The following NCAM2 variants were observed in gnomAD, a reference collection of about 807,000 sequenced individuals.
NCAM2 encodes N-CAM-2.
In NCAM2, 30 loss-of-function variants were observed where a neutral mutation model predicts 98.1. The ratio of observed to expected loss-of-function variants is 0.31; its 90% CI spans 0.23 to 0.41. NCAM2 has a LOEUF of 0.41. NCAM2 is among the 10% of genes least tolerant of loss of function. The pLI is 1.00. For synonymous variants in NCAM2, 368 were observed against 342.4 expected, an observed-to-expected ratio of 1.07 and a Z score of -0.83; for missense variants, 867 against 1,005.8, an observed-to-expected ratio of 0.86 and a Z score of 1.87.
At chr21:21,264,798 CTA>C (rs1226823296) in intron 1 of NCAM2, among the ~76,000 whole-genome samples, 81 of 125,140 alleles carry the variant, frequency 6.5e-4, no homozygotes, top group African/African-American at 2.3e-3. Context: ...ATATATTCCA[CTA>C]TATATATACA....
At chr21:21,307,526 A>G (rs1415027094) in intron 5 of NCAM2, among the ~76,000 whole-genome samples, 12 of 152,138 alleles carry the variant, frequency 7.9e-5, no homozygotes, top group African/African-American at 1.4e-4. Context: ...TCAGTATATT[A>G]TAAGATCACG....
At chr21:21,455,495 ATTATTCATAGAAATGT>A (rs1982006169) in intron 12 of NCAM2, among the ~76,000 whole-genome samples, 1 of 151,988 alleles carries the variant, frequency 6.6e-6, no homozygotes, top group African/African-American at 2.4e-5. Flanking sequence ...AAGAAAATAA[ATTATTCATAGAAATGT>A]TTATTCATAG....
chr21:21,513,389 G>T (rs1442306575), intron 16 of NCAM2, among the ~76,000 whole-genome samples: 2 of 151,894 alleles, frequency 1.3e-5, no homozygotes, highest in Admixed American at 6.6e-5. Context: ...TTGGTATGTT[G>T]TGTTTCCATT....
intron 1 of NCAM2, among the ~76,000 whole-genome samples, chr21:21,037,331 G>A (rs935066863): frequency 6.6e-6 from 1 of 151,890 alleles, no homozygotes; most frequent in African/African-American, 2.4e-5. Context: ...GAATGATATT[G>A]GTTATAAAAT....
chr21:21,431,056 A>AG (rs2077329625), intron 11 of NCAM2, among the ~76,000 whole-genome samples: 2 of 150,826 alleles, frequency 1.3e-5, no homozygotes, highest in South Asian at 4.2e-4. Context: ...CAAAAAAAAA[A>AG]AAAAAAAAAA....
intron 8 of NCAM2, among the ~76,000 whole-genome samples, chr21:21,357,051 A>G (rs1176708900): frequency 2.0e-5 from 3 of 151,936 alleles, no homozygotes; most frequent in Admixed American, 6.6e-5. Flanking sequence ...GGTCCATGCA[A>G]TTTAAGAGGG....
At chr21:21,006,072 G>T (rs1053671890) in intron 1 of NCAM2, among the ~76,000 whole-genome samples, 1 of 152,190 alleles carries the variant, frequency 6.6e-6, no homozygotes, top group Admixed American at 6.5e-5. Context: ...TTAGGCTGAC[G>T]CTCACATTTA....
At chr21:21,215,744 TAAAC>T (rs36105608) in intron 1 of NCAM2, among the ~76,000 whole-genome samples, 62,988 of 151,374 alleles carry the variant, frequency 0.42, 14,141 homozygotes, top group South Asian at 0.59. Context: ...AATAAATAAA[TAAAC>T]AGAGTAAACG....
intron 16 of NCAM2, among the ~76,000 whole-genome samples, chr21:21,524,206 G>A (rs1841193383): frequency 6.6e-6 from 1 of 151,710 alleles, no homozygotes; most frequent in Non-Finnish European, 1.5e-5. Context: ...TTTCTAAACG[G>A]GTATTACCTA....
chr21:21,319,459 G>A (rs2074314430), intron 5 of NCAM2, among the ~76,000 whole-genome samples: 1 of 152,098 alleles, frequency 6.6e-6, no homozygotes, highest in African/African-American at 2.4e-5. Flanking sequence ...TGGCCAACAT[G>A]GTGAAACCCC....
chr21:21,273,650 A>C (rs1487553134), intron 1 of NCAM2, among the ~76,000 whole-genome samples: 2 of 152,176 alleles, frequency 1.3e-5, no homozygotes, highest in Non-Finnish European at 2.9e-5. Flanking sequence ...AAACAAAGAA[A>C]GAATGGATAC....
chr21:21,046,268 A>G (rs2065006235), intron 1 of NCAM2, among the ~76,000 whole-genome samples: 1 of 152,136 alleles, frequency 6.6e-6, no homozygotes, highest in African/African-American at 2.4e-5. Context: ...TTTTGTATTG[A>G]AAGTTTATCT....
chr21:21,481,400 T>A (rs767504603), intron 15 of NCAM2, among the ~76,000 whole-genome samples: 9 of 152,158 alleles, frequency 5.9e-5, no homozygotes, highest in Non-Finnish European at 1.2e-4. Context: ...ATGTAAAGTG[T>A]CAAATGCTGC....
chr21:21,231,240 AAG>A (rs1020917800), intron 1 of NCAM2, among the ~76,000 whole-genome samples: 112 of 151,420 alleles, frequency 7.4e-4, no homozygotes, highest in African/African-American at 2.5e-3. Flanking sequence ...TTTTTCATAA[AAG>A]AGAGATGTGC....
At chr21:21,279,660 C>A (rs1216108054) in intron 1 of NCAM2, among the ~76,000 whole-genome samples, 2 of 152,088 alleles carry the variant, frequency 1.3e-5, no homozygotes, top group Non-Finnish European at 2.9e-5. Context: ...GGTGTTCTAT[C>A]ACAGCCTGTT....
rs186311264 is a variant in NCAM2 at position 21,122,001 on chromosome 21, C to T, written c.55+123383C>T. On this transcript the variant is annotated intron_variant, in intron 1 of 17. Transcript: ENST00000400546. ...TGTTAAATGTGACAGTATGAGCTTCCGAATGAGCAGTGCATTCTGATGAGG... is the reference window on the plus strand; with the variant it reads ...TGTTAAATGTGACAGTATGAGCTTCTGAATGAGCAGTGCATTCTGATGAGG... 4.4e-3 allele frequency among the ~76,000 whole-genome samples: 670 copies of T among 152,262 alleles called. 5 individuals are homozygous for T. The highest frequency in any genetic ancestry group is 0.015 in the African/African-American group (636 of 41,542).
intron 8 of NCAM2, among the ~76,000 whole-genome samples, chr21:21,348,614 A>AC (rs34872335): frequency 0.47 from 71,439 of 151,798 alleles, 16,964 homozygotes; most frequent in East Asian, 0.59. Flanking sequence ...TTTATATGGA[A>AC]CACAAAAGAC....
chr21:21,333,008 C>T (rs185141696), intron 6 of NCAM2, among the ~76,000 whole-genome samples: 352 of 152,254 alleles, frequency 2.3e-3, no homozygotes, highest in African/African-American at 8.1e-3. Flanking sequence ...CATTCTTGTA[C>T]CTGAAAAAGG....
At chr21:21,314,815 T>C (rs1432104900) in intron 5 of NCAM2, among the ~76,000 whole-genome samples, 1 of 152,182 alleles carries the variant, frequency 6.6e-6, no homozygotes, top group Non-Finnish European at 1.5e-5. Context: ...TTTGGGGTTT[T>C]AAAAATATAT....
Sources: gnomAD v4.1 joint callset for allele counts (sites outside exome capture counted in the v4.1 genomes callset) on GRCh38, gnomAD v4.1.1 for gene constraint, MANE v1.5 for transcripts, NCBI Gene and HGNC (gene_info 2026-07-23, HGNC 2026-07-21) for gene names.